Variants in NRG3 observed in about 807,000 individuals in gnomAD.
The protein encoded by NRG3 is pro-neuregulin-3, membrane-bound isoform.
Under a neutral mutation model 66.9 loss-of-function variants are expected in NRG3, and 31 were observed. That is an observed-to-expected ratio of 0.46 (90% confidence interval 0.35 to 0.63). The LOEUF is 0.63. Ranked by LOEUF, NRG3 falls within the 20% of genes least tolerant of loss-of-function variation. NRG3 has a pLI of 0.00. For synonymous variants in NRG3, 393 were observed against 359.4 expected (o/e 1.09, Z -1.06); for missense variants, 910 against 878.9 (o/e 1.04, Z -0.45).
intron 2 of NRG3, among the ~76,000 whole-genome samples, chr10:82,468,221 C>T (rs1840874784): frequency 6.6e-6 from 1 of 152,218 alleles, no homozygotes; most frequent in African/African-American, 2.4e-5. Context: ...CCCTCCACCA[C>T]ATCACGCTGG....
chr10:82,424,556 A>T (rs2348091), intron 2 of NRG3, among the ~76,000 whole-genome samples: 1,726 of 152,202 alleles, frequency 0.011, 53 homozygotes, highest in East Asian at 0.11. Flanking sequence ...TTTGAGGCAT[A>T]TGACATCCAA....
intron 2 of NRG3, among the ~76,000 whole-genome samples, chr10:82,597,852 C>T (rs190301711): frequency 2.0e-5 from 3 of 149,874 alleles, no homozygotes; most frequent in Non-Finnish European, 3.0e-5. Context: ...ACCAGGGAGT[C>T]GGTGGTTGCA....
chr10:82,784,600 A>C (rs1162599634), intron 3 of NRG3, among the ~76,000 whole-genome samples: 2 of 152,202 alleles, frequency 1.3e-5, no homozygotes, highest in South Asian at 2.1e-4. Context: ...AGACATATGA[A>C]AAAATGCTCA....
intron 2 of NRG3, among the ~76,000 whole-genome samples, chr10:82,518,767 AT>A (rs934749949): frequency 4.6e-5 from 7 of 152,046 alleles, no homozygotes; most frequent in Non-Finnish European, 1.0e-4. Context: ...GCAATTTCTC[AT>A]TTGTTGGATT....
rs112102056 is a variant in NRG3 at position 82,318,048 on chromosome 10, C to G, written c.824-40691C>G. On this transcript the variant is annotated intron_variant, in intron 1 of 8. Transcript: ENST00000372141. ...TAGACAAAATGGGGCAGGGGAACAA[C>G]GAGATATGCCTTTGTGTCTGGTGGG... Among the ~76,000 whole-genome samples, 187 of 151,746 alleles carry G rather than the reference C, an allele frequency of 1.2e-3. 1 individual carries two copies. The highest frequency in any genetic ancestry group is 4.2e-3 in the African/African-American group (172 of 41,342).
intron 6 of NRG3, among the ~76,000 whole-genome samples, chr10:82,972,826 T>G (rs1851892882): frequency 6.6e-6 from 1 of 152,156 alleles, no homozygotes; most frequent in African/African-American, 2.4e-5. Context: ...ACTTGATTTT[T>G]TTTATCAGTG....
At chr10:82,105,780 T>C (rs1460363493) in intron 1 of NRG3, among the ~76,000 whole-genome samples, 2 of 152,120 alleles carry the variant, frequency 1.3e-5, no homozygotes, top group Non-Finnish European at 2.9e-5. Context: ...TCAAGAACAC[T>C]GAGATAACAG....
At chr10:82,869,871 G>C (rs946818679) in intron 4 of NRG3, among the ~76,000 whole-genome samples, 2 of 151,828 alleles carry the variant, frequency 1.3e-5, no homozygotes, top group Non-Finnish European at 1.5e-5. Context: ...GCCTCCCAAA[G>C]TGCTAGGATT....
In NRG3 at chr10:82,962,049, G is replaced by A. The variant is rs138829481; in HGVS notation, c.1284+2974G>A. Among the ~76,000 whole-genome samples, 394 of 152,270 alleles carry A rather than the reference G, an allele frequency of 2.6e-3. 1 individual carries two copies. Among genetic ancestry groups the A allele is most frequent in the African/African-American group, 9.0e-3 (372 of 41,530 alleles). On this transcript the variant is annotated intron_variant, in intron 6 of 8. Transcript: ENST00000372141. The stretch of plus-strand genomic sequence containing the variant: ...GTTCATTAAACATTCATGGAAATGG[G>A]TTTCACTTTATAGTCATCTAACAAG...
intron 2 of NRG3, among the ~76,000 whole-genome samples, chr10:82,433,053 T>C (rs1220349359): frequency 1.3e-5 from 2 of 152,230 alleles, no homozygotes; most frequent in Non-Finnish European, 2.9e-5. Context: ...TATTCCACGA[T>C]GGTTGAAATA....
intron 3 of NRG3, among the ~76,000 whole-genome samples, chr10:82,826,464 T>C (rs534168699): frequency 1.3e-5 from 2 of 152,310 alleles, no homozygotes; most frequent in African/African-American, 4.8e-5. Flanking sequence ...GCTTTTTTCA[T>C]CAAGTGTGAC....
intron 2 of NRG3, among the ~76,000 whole-genome samples, chr10:82,446,897 TA>T (rs1485116650): frequency 1.3e-5 from 2 of 152,348 alleles, no homozygotes; most frequent in East Asian, 3.9e-4. Flanking sequence ...CGTATTTCTT[TA>T]AGAAGGCAGA....
chr10:82,767,033 ATAT>A (rs912606580), intron 3 of NRG3, among the ~76,000 whole-genome samples: 5 of 149,708 alleles, frequency 3.3e-5, no homozygotes, highest in African/African-American at 1.2e-4. Flanking sequence ...TTATATATAT[ATAT>A]AAGGATGATA....
chr10:82,399,118 C>G (rs1015801321), intron 2 of NRG3, among the ~76,000 whole-genome samples: 1 of 152,120 alleles, frequency 6.6e-6, no homozygotes, highest in East Asian at 1.9e-4. Context: ...TACATGCCTC[C>G]TTTTTAGTTA....
chr10:82,731,959 T>A (rs1031812376), intron 2 of NRG3, among the ~76,000 whole-genome samples: 96 of 152,286 alleles, frequency 6.3e-4, no homozygotes, highest in African/African-American at 2.3e-3. Context: ...TTAATAACAA[T>A]GTACTATATA....
chr10:82,355,487 A>G (rs117765342), intron 1 of NRG3, among the ~76,000 whole-genome samples: 2,046 of 152,320 alleles, frequency 0.013, 24 homozygotes, highest in Non-Finnish European at 0.019. Flanking sequence ...TCAGATGTAC[A>G]AATGTAGGAG....
chr10:82,458,531 G>C (rs1368795100), intron 2 of NRG3, among the ~76,000 whole-genome samples: 1 of 152,136 alleles, frequency 6.6e-6, no homozygotes, highest in South Asian at 2.1e-4. Context: ...TTCTGGAAGA[G>C]AGATGTCACT....
intron 1 of NRG3, among the ~76,000 whole-genome samples, chr10:82,182,946 T>C (rs1192895859): frequency 6.6e-6 from 1 of 151,998 alleles, no homozygotes; most frequent in Non-Finnish European, 1.5e-5. Flanking sequence ...TCATCCAACT[T>C]CATTTTTGAC....
At chr10:82,548,522 C>T (rs917186814) in intron 2 of NRG3, among the ~76,000 whole-genome samples, 2 of 109,230 alleles carry the variant, frequency 1.8e-5, no homozygotes, top group Non-Finnish European at 3.6e-5. Flanking sequence ...CATTCTGTCT[C>T]TCACACACAC....
Sources: gnomAD v4.1 joint callset for allele counts (sites outside exome capture counted in the v4.1 genomes callset) on GRCh38, gnomAD v4.1.1 for gene constraint, MANE v1.5 for transcripts, NCBI Gene and HGNC (gene_info 2026-07-23, HGNC 2026-07-21) for gene names.